Variants in WDR11 observed in about 807,000 individuals in gnomAD.
WDR11 encodes the protein WD repeat-containing protein 11.
In WDR11, 83 loss-of-function variants were observed where a neutral mutation model predicts 151.2. The observed-to-expected ratio is 0.55, with a 90% CI of 0.46 to 0.66. The LOEUF (loss-of-function observed/expected upper bound fraction) is 0.66, where lower values mean the gene tolerates loss of function less well. WDR11 is among the 30% of genes least tolerant of loss of function. The pLI is 0.00. For synonymous variants in WDR11, 484 were observed against 533.1 expected (o/e 0.91, Z 1.27); for missense variants, 1,301 against 1,480.9 (o/e 0.88, Z 1.99).
At chr10:120,854,132 CT>C (rs951328101) in intron 2 of WDR11, among the ~76,000 whole-genome samples, 5 of 152,120 alleles carry the variant, frequency 3.3e-5, no homozygotes, top group Admixed American at 2.0e-4. Context: ...TTACAATGAA[CT>C]TTTTTACCTC....
At chr10:120,888,269 A>G (rs970573699) in intron 16 of WDR11, among the ~76,000 whole-genome samples, 2 of 152,258 alleles carry the variant, frequency 1.3e-5, no homozygotes, top group African/African-American at 4.8e-5. Flanking sequence ...AATACTAGCA[A>G]CAACTCAAGT....
intron 4 of WDR11, among the ~76,000 whole-genome samples, chr10:120,861,433 C>T (rs1236451713): frequency 4.6e-5 from 7 of 152,168 alleles, no homozygotes; most frequent in African/African-American, 1.7e-4. Flanking sequence ...GCTGGGGAAA[C>T]ACCTAGGAGG....
chr10:120,888,894 T>A (rs1045006733), intron 16 of WDR11, among the ~76,000 whole-genome samples, 184 bp from the exon 17 acceptor site: 5 of 152,200 alleles, frequency 3.3e-5, no homozygotes, highest in African/African-American at 1.2e-4. Context: ...AATCTCCTAT[T>A]TCTTCATAGT....
chr10:120,864,524 A>C (rs1456882495), intron 5 of WDR11, among the ~76,000 whole-genome samples: 1 of 152,178 alleles, frequency 6.6e-6, no homozygotes, highest in Non-Finnish European at 1.5e-5. Flanking sequence ...TATAAGTGAA[A>C]CTTTGTTTCA....
In WDR11 at chr10:120,873,722, G is replaced by A. The variant is rs548395471; in HGVS notation, c.1472-117G>A. The A allele has an allele frequency of 1.7e-5, 13 of 748,200 alleles. No homozygotes were observed. In the East Asian group the frequency reaches 3.0e-4, roughly 17 times the overall value. 46.3% of individuals were successfully genotyped at this position (748,200 alleles called of 1,614,324 possible). Reference sequence around the variant, plus strand: ...TGTGTTTGTTTAAACACATAGTTTGGGTTTCTTTTATAAAAGATAAATGTG... The same window carrying A: ...TGTGTTTGTTTAAACACATAGTTTGAGTTTCTTTTATAAAAGATAAATGTG... On this transcript the variant is annotated intron_variant, in intron 10 of 28. Coordinates refer to ENST00000263461, the MANE Select transcript of WDR11 (RefSeq NM_018117.12).
rs111818084 is a variant in WDR11, at chr10:120,871,365, CT to C, written c.1471+30del. 0.046 allele frequency: 47,142 copies of C among 1,034,512 alleles called. No individual in the cohort carries two copies. The highest frequency in any genetic ancestry group is 0.056 in the South Asian group (2,703 of 48,608). The allele number at this position is 1,034,512 out of a possible 1,614,324, so 64.1% of individuals were successfully genotyped here. A position where few individuals can be genotyped will look rare whatever the true frequency, so the allele number is the denominator to read the frequency against. ...GCTGTTGGTGAGTATTTGACCTGGT[CT>C]TTTTTTTTTTAACTCACTTTATAAG... On this transcript the variant is annotated intron_variant, in intron 10 of 28. Transcript: ENST00000263461.
intron 19 of WDR11, among the ~76,000 whole-genome samples, chr10:120,892,603 G>A (rs1296269563): frequency 2.0e-5 from 3 of 152,018 alleles, no homozygotes; most frequent in African/African-American, 7.2e-5. Context: ...TACTGACATG[G>A]GATAAAAATA....
intron 11 of WDR11, among the ~76,000 whole-genome samples, chr10:120,875,313 T>A (rs572996747): frequency 1.8e-4 from 27 of 152,332 alleles, no homozygotes; most frequent in Admixed American, 1.6e-3. Context: ...TAGGACATGA[T>A]CTGCTTATGA....
chr10:120,878,490 CAT>C, intron 12 of WDR11, 31 bp downstream of exon 12: 1 of 1,537,160 alleles, frequency 6.5e-7, no homozygotes, highest in Non-Finnish European at 9.0e-7. Context: ...ATAGGTTTGT[CAT>C]ATTGAATAAA....
Position 120,906,791 on chromosome 10 carries a change from T to TAGAGCAGCCTTATTTGTGGAAGCTTGCC in WDR11, c.3454_3481dup (p.Leu1161GlnfsTer16). 6.2e-7 allele frequency: 1 copy of TAGAGCAGCCTTATTTGTGGAAGCTTGCC among 1,614,212 alleles called. No individual in the cohort carries two copies. Among genetic ancestry groups the TAGAGCAGCCTTATTTGTGGAAGCTTGCC allele is most frequent in the Non-Finnish European group, 8.5e-7 (1 of 1,180,024 alleles). ...TGTTGAGCAGCATGAGATACTTTGA[T>TAGAGCAGCCTTATTTGTGGAAGCTTGCC]AGAGCAGCCTTATTTGTGGAAGCTT... On this transcript the variant is annotated frameshift_variant, in exon 28 of 29. Transcript: ENST00000263461. LOFTEE classifies it high-confidence loss of function.
At chr10:120,890,401 A>C (rs1349364496) in intron 18 of WDR11, among the ~76,000 whole-genome samples, 1 of 151,944 alleles carries the variant, frequency 6.6e-6, no homozygotes, top group African/African-American at 2.4e-5. Flanking sequence ...TTTAGTAGAG[A>C]CAGGGTTTCG....
chr10:120,853,525 A>G (rs967542549), intron 2 of WDR11, among the ~76,000 whole-genome samples: 45 of 152,124 alleles, frequency 3.0e-4, no homozygotes, highest in Non-Finnish European at 2.9e-5. Flanking sequence ...TTGGCCTCCC[A>G]AAGTGCTGGG....
Position 120,865,201 on chromosome 10 carries a change from C to A in WDR11, c.868C>A (p.Pro290Thr), listed in dbSNP as rs1325071101. 1.9e-6 allele frequency: 3 copies of A among 1,613,768 alleles called. No individual in the cohort carries two copies. Among genetic ancestry groups the A allele is most frequent in the Non-Finnish European group, 2.5e-6 (3 of 1,179,764 alleles). The change falls in exon 6 of 29, where the codon CCA becomes ACA. Residue 290 changes from proline (P) to threonine (T), a missense_variant. By Grantham distance (38) the Pro-to-Thr change is conservative. Around this residue, in one of 3 missense-constraint regions of WDR11, gnomAD observed 692 missense variants for 762.5 expected, o/e 0.91. Coordinates refer to ENST00000263461, the MANE Select transcript of WDR11 (RefSeq NM_018117.12). The stretch of plus-strand genomic sequence containing the variant: ...GATTGCAATAGAACGCACAGGAGTT[C>A]CATTTTTACAGGTATCTACAATTCA... Reference protein sequence around the residue: ...GVIAIERTGVPFLQVIPCFQR... With the variant: ...GVIAIERTGVTFLQVIPCFQR...
chr10:120,903,594 T>C (rs1404386431), intron 23 of WDR11, among the ~76,000 whole-genome samples: 3 of 152,052 alleles, frequency 2.0e-5, no homozygotes. Flanking sequence ...GAAAAGCTCA[T>C]AGACAGTTAC....
chr10:120,901,237 G>T (rs1475836929), intron 21 of WDR11, 139 bp downstream of exon 21: 2 of 774,000 alleles, frequency 2.6e-6, no homozygotes, highest in Admixed American at 2.3e-5. Context: ...CTGTTTAGAG[G>T]TTTGCTTCCC....
At position 120,865,218 on chromosome 10, in the gene WDR11, T is replaced by C. The variant is rs774621376; in HGVS notation, c.879+6T>C. On this transcript the variant is annotated splice_donor_region_variant and intron_variant, in intron 6 of 28. Transcript: ENST00000263461. ...CAGGAGTTCCATTTTTACAGGTATC[T>C]ACAATTCATAAATTATATTCCCCAA... The C allele has an allele frequency of 1.2e-6, 2 of 1,613,252 alleles. No homozygotes were observed. The highest frequency in any genetic ancestry group is 1.7e-6 in the Non-Finnish European group (2 of 1,179,250).
At chr10:120,877,463 A>G (rs1490801079) in intron 11 of WDR11, among the ~76,000 whole-genome samples, 1 of 152,186 alleles carries the variant, frequency 6.6e-6, no homozygotes, top group Non-Finnish European at 1.5e-5. Flanking sequence ...TCACAGAAAT[A>G]CAAAAATTAG....
Position 120,866,688 on chromosome 10 carries a change from GC to G in WDR11, c.1117del (p.Leu373SerfsTer2). ...VCCPVNENAA[A>X]LVVSDGRVMI... is the part of the protein sequence containing the mutation. ...CTGTCCTGTCAATGAGAATGCAGCCGCCCTCGTAGTGAGTGATGGCAGGGTC... is the reference window on the plus strand; with the variant it reads ...CTGTCCTGTCAATGAGAATGCAGCCGCCTCGTAGTGAGTGATGGCAGGGTC... On this transcript the variant is annotated frameshift_variant, in exon 8 of 29. Transcript: ENST00000263461. LOFTEE classifies it high-confidence loss of function. 6.2e-7 allele frequency: 1 copy of G among 1,614,170 alleles called. No individual in the cohort carries two copies. Among genetic ancestry groups the G allele is most frequent in the Non-Finnish European group, 8.5e-7 (1 of 1,180,030 alleles).
Position 120,903,129 on chromosome 10 carries a change from A to T in WDR11, c.2828A>T (p.Lys943Met). 6.2e-7 allele frequency: 1 copy of T among 1,614,166 alleles called. No homozygotes were observed. The highest frequency in any genetic ancestry group is 1.1e-5 in the South Asian group (1 of 91,076). ...TACCTGCACAGCTTATCCCAGGAAA[A>T]GTCAGCCAGCACAACAGCTCCTAAA... is the stretch of plus-strand genomic sequence containing the variant. ...AHYLHSLSQE[K>M]SASTTAPKEA... The change falls in exon 23 of 29, where the codon AAG (lysine) becomes ATG (methionine). Residue 943 changes from lysine (K) to methionine (M), a missense_variant. Physicochemically the swap from Lys to Met is moderately conservative, Grantham distance 95. Transcript: ENST00000263461.
Sources: gnomAD v4.1 joint callset for allele counts (sites outside exome capture counted in the v4.1 genomes callset) on GRCh38, gnomAD v4.1.1 for gene constraint, gnomAD v4.1.1 regional missense constraint, MANE v1.5 for transcripts, NCBI Gene and HGNC (gene_info 2026-07-23, HGNC 2026-07-21) for gene names.